Variants in PLB1 observed in about 807,000 individuals in gnomAD.
PLB1 encodes phospholipase B1.
In PLB1, 242 loss-of-function variants were observed where a neutral mutation model predicts 227.4. That is an observed-to-expected ratio of 1.06 (90% CI 0.96 to 1.18). The LOEUF is 1.18. PLB1 is among the 50% of genes most tolerant of loss of function. The pLI, the probability that PLB1 is intolerant of heterozygous loss-of-function variation, is 0.00. For synonymous variants in PLB1, 757 were observed against 682.2 expected (o/e 1.11, Z -1.71); for missense variants, 1,858 against 1,816.3 (o/e 1.02, Z -0.42).
intron 25 of PLB1, among the ~76,000 whole-genome samples, chr2:28,584,984 G>A (rs1230937302): frequency 6.6e-6 from 1 of 152,198 alleles, no homozygotes; most frequent in Admixed American, 6.5e-5. Context: ...CAGGGATAAT[G>A]AGAATACCAC....
chr2:28,532,086 A>T, intron 8 of PLB1, 22 bp from the exon 9 acceptor site: 6 of 1,579,342 alleles, frequency 3.8e-6, no homozygotes, highest in Non-Finnish European at 4.3e-6. Flanking sequence ...TCTCCTTTTC[A>T]TGCTGTTGCC....
At chr2:28,590,541 A>T (rs1239467687) in intron 29 of PLB1, among the ~76,000 whole-genome samples, 1 of 152,186 alleles carries the variant, frequency 6.6e-6, no homozygotes, top group Non-Finnish European at 1.5e-5. Context: ...AGCTAGGGAA[A>T]GAAAAGCAGA....
intron 56 of PLB1, among the ~76,000 whole-genome samples, chr2:28,637,602 C>T (rs1488526746): frequency 6.6e-6 from 1 of 152,232 alleles, no homozygotes; most frequent in Non-Finnish European, 1.5e-5. Context: ...CACTAGGCCT[C>T]TGGGACTTGG....
chr2:28,639,850 T>C (rs996206635), intron 56 of PLB1, among the ~76,000 whole-genome samples: 21 of 152,180 alleles, frequency 1.4e-4, no homozygotes, highest in Non-Finnish European at 2.5e-4. Context: ...CATTTGATGC[T>C]CACAACAAAC....
At position 28,598,693 on chromosome 2, in the gene PLB1, G is replaced by T. The variant is rs143063044; in HGVS notation, c.2407G>T (p.Val803Leu). 6.2e-7 allele frequency: 1 copy of T among 1,614,218 alleles called. No individual in the cohort carries two copies. Among genetic ancestry groups the T allele is most frequent in the Non-Finnish European group, 8.5e-7 (1 of 1,180,024 alleles). Residue 803 changes from valine to leucine, a missense_variant, in exon 35 of 58, where the codon GTG becomes TTG. Physicochemically the swap from Val to Leu is conservative, Grantham distance 32. Transcript: ENST00000327757. ...EFNRNLTGYAVGTGDANDTNA... is the reference protein window; with the variant it reads ...EFNRNLTGYALGTGDANDTNA... Reference sequence around the variant, plus strand: ...TAACAGAAACCTCACAGGCTACGCCGTGGGCACGGGTGATGCCAATGACAC... The same window carrying T: ...TAACAGAAACCTCACAGGCTACGCCTTGGGCACGGGTGATGCCAATGACAC...
intron 30 of PLB1, 107 bp from the exon 31 acceptor site, chr2:28,591,593 T>G (rs113057936): frequency 8.5e-7 from 1 of 1,183,186 alleles, no homozygotes; most frequent in Non-Finnish European, 1.2e-6. Context: ...TCCCTAGGAG[T>G]AGGACCCAGG....
chr2:28,632,863 G>A, intron 55 of PLB1, 81 bp from the exon 56 acceptor site: 1 of 992,946 alleles, frequency 1.0e-6, no homozygotes, highest in South Asian at 1.4e-5. Context: ...GACATGCCCA[G>A]GGCACCTGCT....
intron 6 of PLB1, among the ~76,000 whole-genome samples, chr2:28,528,160 G>C (rs1165771267): frequency 1.3e-5 from 2 of 152,198 alleles, no homozygotes; most frequent in Non-Finnish European, 2.9e-5. Context: ...TTCCAGGCCA[G>C]CTCTCCCACC....
chr2:28,594,748 G>A (rs1682616190), intron 33 of PLB1: 1 of 152,152 alleles, frequency 6.6e-6, no homozygotes, highest in Non-Finnish European at 1.5e-5. Context: ...AGAGGTCAGT[G>A]CCTTCCTGCG....
intron 6 of PLB1, among the ~76,000 whole-genome samples, chr2:28,528,261 G>A (rs866463773): frequency 1.3e-5 from 2 of 152,140 alleles, no homozygotes; most frequent in Admixed American, 6.5e-5. Flanking sequence ...AGGAAGCCCC[G>A]AGGCACTTCT....
chr2:28,551,041 C>G (rs1674166692), intron 16 of PLB1, among the ~76,000 whole-genome samples: 1 of 152,220 alleles, frequency 6.6e-6, no homozygotes. Context: ...GGAGGCTTGA[C>G]AGAGTGTCTG....
intron 49 of PLB1, 94 bp downstream of exon 49, chr2:28,621,072 G>C (rs79753150): frequency 0.016 from 15,784 of 1,016,620 alleles, 164 homozygotes; most frequent in Non-Finnish European, 0.02. Context: ...CCAGAAGCCT[G>C]GTCCCAGGGG....
At chr2:28,504,313 C>A (rs914780880) in intron 1 of PLB1, among the ~76,000 whole-genome samples, 4 of 152,258 alleles carry the variant, frequency 2.6e-5, no homozygotes, top group African/African-American at 9.6e-5. Context: ...TTCTGTTAAA[C>A]CTGATCGTTG....
At chr2:28,501,260 CACTT>C (rs1356119811) in intron 1 of PLB1, among the ~76,000 whole-genome samples, 4 of 152,316 alleles carry the variant, frequency 2.6e-5, no homozygotes, top group African/African-American at 9.6e-5. Context: ...TGAATTTACT[CACTT>C]ACTGAATCCT....
At chr2:28,542,712 C>G (rs1207539438) in intron 13 of PLB1, among the ~76,000 whole-genome samples, 1 of 152,184 alleles carries the variant, frequency 6.6e-6, no homozygotes, top group African/African-American at 2.4e-5. Flanking sequence ...GCCACCCAGA[C>G]CATGTAGCAC....
chr2:28,543,837 G>A (rs779004796), intron 14 of PLB1, among the ~76,000 whole-genome samples: 4 of 152,194 alleles, frequency 2.6e-5, no homozygotes, highest in Admixed American at 1.3e-4. Context: ...AGCACTCCAC[G>A]TGGATTGGCC....
intron 49 of PLB1, among the ~76,000 whole-genome samples, chr2:28,623,041 G>A (rs1202714043): frequency 1.6e-5 from 2 of 124,280 alleles, no homozygotes; most frequent in African/African-American, 3.5e-5. Flanking sequence ...ACAATGCAGT[G>A]CTTCGCATGG....
chr2:28,642,113 C>T (rs1050969381), intron 57 of PLB1, among the ~76,000 whole-genome samples: 2 of 152,172 alleles, frequency 1.3e-5, no homozygotes, highest in African/African-American at 4.8e-5. Flanking sequence ...ATGGTTTCAC[C>T]GTCTCTTACC....
In PLB1 at chr2:28,614,102, C is replaced by T; in HGVS notation, c.3195+6C>T. ...CCATCAAGCCAGCCATTGAGGTAAC[C>T]CCTGACTCACATCTGCCTCTCTCAG... On this transcript the variant is annotated splice_donor_region_variant and intron_variant, in intron 44 of 57. Coordinates refer to ENST00000327757, the MANE Select transcript of PLB1 (RefSeq NM_153021.5). 1.2e-6 allele frequency: 2 copies of T among 1,607,502 alleles called. No homozygotes were observed. Among genetic ancestry groups the T allele is most frequent in the Non-Finnish European group, 8.5e-7 (1 of 1,174,094 alleles).
Sources: gnomAD v4.1 joint callset for allele counts (sites outside exome capture counted in the v4.1 genomes callset) on GRCh38, gnomAD v4.1.1 for gene constraint, MANE v1.5 for transcripts, NCBI Gene and HGNC (gene_info 2026-07-23, HGNC 2026-07-21) for gene names.